The following BMERB1 variants were observed in gnomAD, a reference collection of about 807,000 sequenced individuals.
BMERB1 encodes the protein bMERB domain-containing protein 1.
Under a neutral mutation model 23.6 loss-of-function variants are expected in BMERB1, and 12 were observed. The observed-to-expected ratio is 0.51, with a 90% confidence interval of 0.33 to 0.82. BMERB1 has a LOEUF of 0.82. BMERB1 is among the 40% of genes least tolerant of loss of function. BMERB1 has a pLI of 0.03. For synonymous variants in BMERB1, 122 were observed against 96.6 expected (o/e 1.26, Z -1.54); for missense variants, 247 against 255.4 (o/e 0.97, Z 0.22).
intron 1 of BMERB1, among the ~76,000 whole-genome samples, chr16:15,459,022 T>C (rs6498557): frequency 0.98 from 149,093 of 152,140 alleles, 73,136 homozygotes; most frequent in Middle Eastern, 1. Flanking sequence ...CAAGGAGAAT[T>C]GCTTGAACCT....
At chr16:15,532,974 C>T (rs12918517) in intron 2 of BMERB1, 136,041 of 454,636 alleles carry the variant, frequency 0.3, 24,359 homozygotes, top group Admixed American at 0.54. Context: ...CATTCTACCT[C>T]TGCCATTTAT....
chr16:15,494,780 A>G (rs2051457198), intron 1 of BMERB1, among the ~76,000 whole-genome samples: 1 of 151,684 alleles, frequency 6.6e-6, no homozygotes, highest in Admixed American at 6.6e-5. Flanking sequence ...GTTTATTACT[A>G]CCTCTCCTTA....
intron 2 of BMERB1, among the ~76,000 whole-genome samples, chr16:15,552,435 A>C (rs969431062): frequency 6.6e-6 from 1 of 151,486 alleles, no homozygotes; most frequent in Non-Finnish European, 1.5e-5. Flanking sequence ...ACGAGACTCC[A>C]TCTCAAAAAA....
chr16:15,437,642 GTCCTATGCTGCACACTGT>G (rs1567445166), intron 1 of BMERB1, among the ~76,000 whole-genome samples: 1 of 152,118 alleles, frequency 6.6e-6, no homozygotes, highest in African/African-American at 2.4e-5. Flanking sequence ...GTACTTCTGG[GTCCTATGCTGCACACTGT>G]TAAAAGTCAG....
In BMERB1 at chr16:15,581,251, G is replaced by A. The variant is rs750463940; in HGVS notation, c.339G>A (p.Glu113=). The A allele has an allele frequency of 6.2e-6, 10 of 1,613,970 alleles. No homozygotes were observed. In the South Asian group the frequency reaches 1.1e-4, roughly 18 times the overall value. Residue 113 remains glutamate (E), a synonymous_variant, in exon 4 of 6, where the codon GAG becomes GAA. Coordinates refer to ENST00000300006, the MANE Select transcript of BMERB1 (RefSeq NM_033201.3). Reference sequence around the variant, plus strand: ...AAACCAAACTGCAGAAGCAGAGAGAGGATGAGCTAATCCAGAAGATCCACA... The same window carrying A: ...AAACCAAACTGCAGAAGCAGAGAGAAGATGAGCTAATCCAGAAGATCCACA... ...KEKTKLQKQR[E]DELIQKIHKL... is the part of the protein sequence containing the mutation.
chr16:15,463,789 G>C (rs1487157514), intron 1 of BMERB1, among the ~76,000 whole-genome samples: 1 of 151,608 alleles, frequency 6.6e-6, no homozygotes, highest in African/African-American at 2.4e-5. Context: ...CTGTGAGGCT[G>C]TGCCATCCAT....
At chr16:15,465,735 T>C (rs1029724910) in intron 1 of BMERB1, among the ~76,000 whole-genome samples, 5 of 152,240 alleles carry the variant, frequency 3.3e-5, no homozygotes, top group African/African-American at 1.2e-4. Context: ...CAGTCCTTTT[T>C]CTTTCCAGAA....
intron 1 of BMERB1, among the ~76,000 whole-genome samples, chr16:15,511,309 C>G (rs541524167): frequency 4.0e-4 from 61 of 152,164 alleles, no homozygotes; most frequent in Non-Finnish European, 2.2e-4. Flanking sequence ...TCTCCCTCCA[C>G]TGTGTCTCCC....
chr16:15,494,834 T>A (rs2051457829), intron 1 of BMERB1, among the ~76,000 whole-genome samples: 1 of 152,098 alleles, frequency 6.6e-6, no homozygotes, highest in Non-Finnish European at 1.5e-5. Flanking sequence ...TTAAAAAAGT[T>A]TTAAAAGGCT....
rs529786231 is a variant in BMERB1, at chr16:15,510,570, G to A, written c.107-4735G>A. ...CTTACAGAGGAGAAACAGAGCTGCT[G>A]AGAGGTTAACCAACTCCCCAAGGCC... On this transcript the variant is annotated intron_variant, in intron 1 of 5. Coordinates refer to ENST00000300006, the MANE Select transcript of BMERB1 (RefSeq NM_033201.3). Among the ~76,000 whole-genome samples the A allele has an allele frequency of 5.9e-5, 9 of 152,172 alleles. No homozygotes were observed. The South Asian group carries it at 1.7e-3, about 28-fold the overall frequency.
intron 1 of BMERB1, among the ~76,000 whole-genome samples, chr16:15,440,754 A>C (rs1385768572): frequency 1.3e-5 from 2 of 152,222 alleles, no homozygotes. Context: ...TAGGGGCTGC[A>C]GGTACAGTCT....
chr16:15,465,767 A>C (rs1412205490), intron 1 of BMERB1, among the ~76,000 whole-genome samples: 1 of 152,202 alleles, frequency 6.6e-6, no homozygotes, highest in Non-Finnish European at 1.5e-5. Context: ...CATGGAATTA[A>C]TATGTATTTA....
intron 1 of BMERB1, among the ~76,000 whole-genome samples, chr16:15,455,304 A>G (rs997066708): frequency 6.8e-6 from 1 of 146,122 alleles, no homozygotes; most frequent in Non-Finnish European, 1.5e-5. Flanking sequence ...AGCCTGGGCA[A>G]CAAATGGAGA....
chr16:15,474,716 T>C (rs2051260742), intron 1 of BMERB1, among the ~76,000 whole-genome samples: 1 of 151,310 alleles, frequency 6.6e-6, no homozygotes, highest in Non-Finnish European at 1.5e-5. Flanking sequence ...TGAGATGGAG[T>C]CTTGCTCTAT....
chr16:15,496,450 G>C (rs1179383319), intron 1 of BMERB1, among the ~76,000 whole-genome samples: 1 of 152,068 alleles, frequency 6.6e-6, no homozygotes, highest in Non-Finnish European at 1.5e-5. Flanking sequence ...GATTGGGAAA[G>C]TTACATAACT....
At chr16:15,458,477 G>T (rs2051105852) in intron 1 of BMERB1, among the ~76,000 whole-genome samples, 1 of 152,156 alleles carries the variant, frequency 6.6e-6, no homozygotes, top group South Asian at 2.1e-4. Context: ...CACTTTGGGA[G>T]GCTGAGGTGG....
chr16:15,436,845 G>A (rs1405105554), intron 1 of BMERB1, among the ~76,000 whole-genome samples: 3 of 151,646 alleles, frequency 2.0e-5, no homozygotes, highest in African/African-American at 7.3e-5. Context: ...ATTTCATTTA[G>A]TCCCCTCAAC....
intron 5 of BMERB1, among the ~76,000 whole-genome samples, chr16:15,584,459 G>A (rs1177628639): frequency 6.6e-6 from 1 of 151,690 alleles, no homozygotes; most frequent in African/African-American, 2.4e-5. Context: ...TCGGGAAGCT[G>A]AGGCAGGAGA....
At chr16:15,455,832 G>A (rs751653709) in intron 1 of BMERB1, among the ~76,000 whole-genome samples, 1 of 152,170 alleles carries the variant, frequency 6.6e-6, no homozygotes, top group Non-Finnish European at 1.5e-5. Context: ...GTCTACAGTA[G>A]CAAGGCATTT....
Sources: allele counts gnomAD v4.1 joint callset (sites outside exome capture counted in the v4.1 genomes callset), GRCh38; gene constraint gnomAD v4.1.1; transcripts MANE v1.5; gene names NCBI Gene and HGNC (gene_info 2026-07-23, HGNC 2026-07-21).